The following PACRG variants were observed in gnomAD, a reference collection of about 807,000 sequenced individuals.
PACRG encodes the protein parkin coregulated, also known as parkin coregulated gene protein.
PACRG carries 29 observed loss-of-function variants against 29.7 expected under a neutral mutation model. The ratio of observed to expected loss-of-function variants is 0.98; its 90% CI spans 0.73 to 1.33. The LOEUF (loss-of-function observed/expected upper bound fraction) is 1.33, where lower values mean the gene tolerates loss of function less well. PACRG is among the 40% of genes most tolerant of loss of function. The pLI, the probability that PACRG is intolerant of heterozygous loss-of-function variation, is 0.00. For synonymous variants in PACRG, 116 were observed against 118.7 expected, an observed-to-expected ratio of 0.98 and a Z score of 0.15; for missense variants, 279 against 316.2, an observed-to-expected ratio of 0.88 and a Z score of 0.89.
At chr6:162,852,209 T>G (rs1302201448) in intron 2 of PACRG, among the ~76,000 whole-genome samples, 1 of 152,136 alleles carries the variant, frequency 6.6e-6, no homozygotes, top group Non-Finnish European at 1.5e-5. Context: ...TACAATTCAA[T>G]CCAGTTTTTT....
intron 4 of PACRG, among the ~76,000 whole-genome samples, chr6:163,113,471 A>T (rs973604405): frequency 2.0e-5 from 3 of 152,252 alleles, no homozygotes; most frequent in African/African-American, 7.2e-5. Context: ...AACCATCAAA[A>T]GACAAGCAAT....
chr6:162,849,434 C>T (rs1017747189), intron 2 of PACRG, among the ~76,000 whole-genome samples: 2 of 152,214 alleles, frequency 1.3e-5, no homozygotes, highest in African/African-American at 4.8e-5. Context: ...GTGCCTGCTG[C>T]TGAGAAAGTC....
chr6:163,057,424 AT>A (rs1585112124), intron 2 of PACRG, among the ~76,000 whole-genome samples: 2 of 151,850 alleles, frequency 1.3e-5, no homozygotes, highest in Admixed American at 1.3e-4. Flanking sequence ...CTGCTTATTT[AT>A]TTTTTTTCCA....
chr6:163,251,329 G>A (rs1254307036), intron 4 of PACRG, among the ~76,000 whole-genome samples: 2 of 152,142 alleles, frequency 1.3e-5, no homozygotes, highest in Non-Finnish European at 2.9e-5. Flanking sequence ...CTGGGATCAT[G>A]CAGCCTTTAT....
At chr6:162,802,397 T>G (rs1001604555) in intron 1 of PACRG, among the ~76,000 whole-genome samples, 7 of 152,212 alleles carry the variant, frequency 4.6e-5, no homozygotes, top group Non-Finnish European at 8.8e-5. Flanking sequence ...AAAAACTTAC[T>G]CTGCACTTTA....
chr6:163,269,835 GAA>G lies in PACRG; in HGVS notation c.614-44988_614-44987del, dbSNP rs1357780809. ...AAGGAAGGAAGGAGAAAGAAAGAAA[GAA>G]AAAGAAAGAAAGAAAGAAAGAGAAA... On this transcript the variant is annotated intron_variant, in intron 4 of 4. Transcript: ENST00000366888. 7.9e-3 allele frequency among the ~76,000 whole-genome samples: 189 copies of G among 23,966 alleles called. 11 individuals are homozygous for G. Among genetic ancestry groups the G allele is most frequent in the African/African-American group, 0.024 (149 of 6,232 alleles). The allele number at this position is 23,966 out of a possible 152,430, so 15.7% of individuals were successfully genotyped here.
intron 2 of PACRG, among the ~76,000 whole-genome samples, chr6:163,029,833 C>T (rs1341770191): frequency 1.3e-5 from 2 of 152,162 alleles, no homozygotes; most frequent in African/African-American, 2.4e-5. Flanking sequence ...TAGAGCTGCT[C>T]TAGGGACTTC....
intron 4 of PACRG, among the ~76,000 whole-genome samples, chr6:163,115,526 C>T (rs1217217932): frequency 1.3e-5 from 2 of 152,022 alleles, no homozygotes; most frequent in Non-Finnish European, 2.9e-5. Flanking sequence ...CTATAGTTCC[C>T]CCACGCCCCT....
chr6:162,975,074 C>A (rs1366309914), intron 2 of PACRG, among the ~76,000 whole-genome samples: 1 of 152,150 alleles, frequency 6.6e-6, no homozygotes, highest in African/African-American at 2.4e-5. Context: ...TCAAGAGAAT[C>A]CCTGCAATAA....
intron 4 of PACRG, among the ~76,000 whole-genome samples, chr6:163,290,274 GCGCGCACACACACACACA>G (rs1562361558): frequency 1.1e-5 from 1 of 86,964 alleles, no homozygotes; most frequent in African/African-American, 4.6e-5. Flanking sequence ...GCACGCGCGC[GCGCGCACACACACACACA>G]CACACACACA....
intron 4 of PACRG, among the ~76,000 whole-genome samples, chr6:163,173,425 C>T (rs1420796917): frequency 6.6e-6 from 1 of 152,158 alleles, no homozygotes; most frequent in Non-Finnish European, 1.5e-5. Context: ...CTCATCCCAT[C>T]CAGGCCAAAA....
chr6:163,274,484 A>G (rs1051840014), intron 4 of PACRG, among the ~76,000 whole-genome samples: 20 of 152,326 alleles, frequency 1.3e-4, no homozygotes, highest in Non-Finnish European at 1.6e-4. Context: ...TAGTGCCTCA[A>G]TAAACATACG....
At chr6:162,758,841 A>G (rs2128288350) in intron 1 of PACRG, among the ~76,000 whole-genome samples, 1 of 152,328 alleles carries the variant, frequency 6.6e-6, no homozygotes, top group Middle Eastern at 3.4e-3. Context: ...TCATGAATTG[A>G]AAATAAGCCA....
chr6:162,894,318 A>T (rs921305848), intron 2 of PACRG, among the ~76,000 whole-genome samples: 1 of 152,248 alleles, frequency 6.6e-6, no homozygotes, highest in Non-Finnish European at 1.5e-5. Context: ...ATGCTGATAA[A>T]TATAAAACAT....
At chr6:162,863,706 C>T (rs572496908) in intron 2 of PACRG, among the ~76,000 whole-genome samples, 49 of 152,212 alleles carry the variant, frequency 3.2e-4, no homozygotes, top group African/African-American at 1.1e-3. Flanking sequence ...ACTTCAATGT[C>T]GTATGTATGT....
intron 2 of PACRG, among the ~76,000 whole-genome samples, chr6:162,935,357 A>G (rs1798155966): frequency 6.7e-6 from 1 of 148,208 alleles, no homozygotes; most frequent in African/African-American, 2.5e-5. Flanking sequence ...GTGATGTCCC[A>G]TGTGTCGGAT....
chr6:162,977,438 C>T (rs73783952), intron 2 of PACRG, among the ~76,000 whole-genome samples: 57 of 150,858 alleles, frequency 3.8e-4, no homozygotes, highest in African/African-American at 1.1e-3. Flanking sequence ...GTCCTAGCAA[C>T]GGCTGTATTG....
At chr6:162,879,654 C>T (rs1162872355) in intron 2 of PACRG, among the ~76,000 whole-genome samples, 2 of 152,206 alleles carry the variant, frequency 1.3e-5, no homozygotes, top group Non-Finnish European at 2.9e-5. Context: ...TAATTCATTC[C>T]TTCAACAAGT....
chr6:162,998,221 G>A (rs1299464860), intron 2 of PACRG, among the ~76,000 whole-genome samples: 4 of 152,232 alleles, frequency 2.6e-5, no homozygotes, highest in Admixed American at 1.3e-4. Context: ...TTTCCTGAAG[G>A]GTGCTGTCCT....
Sources: gnomAD v4.1 joint callset for allele counts (sites outside exome capture counted in the v4.1 genomes callset) on GRCh38, gnomAD v4.1.1 for gene constraint, MANE v1.5 for transcripts, NCBI Gene and HGNC (gene_info 2026-07-23, HGNC 2026-07-21) for gene names.